The following CD226 variants were observed in gnomAD, a reference collection of about 807,000 sequenced individuals.
CD226 encodes the protein CD226 molecule.
CD226 carries 24 observed loss-of-function variants against 34.9 expected under a neutral mutation model. The ratio of observed to expected loss-of-function variants is 0.69; its 90% confidence interval spans 0.50 to 0.97. The LOEUF is 0.97. CD226 is among the 50% of genes least tolerant of loss of function. The pLI is 0.00. For missense variants in CD226, 397 were observed against 412.7 expected (o/e 0.96, Z 0.33); for synonymous variants, 148 against 147.4 (o/e 1.00, Z -0.03).
At chr18:69,951,115 C>T (rs2055850561), upstream of CD226, among the ~76,000 whole-genome samples, 1 of 151,996 alleles carries the variant, frequency 6.6e-6, no homozygotes, top group Admixed American at 6.6e-5. Context: ...CCAGCTGAGC[C>T]ACCACACTCA....
chr18:69,951,818 T>C (rs1433867988), upstream of CD226, among the ~76,000 whole-genome samples: 1 of 152,192 alleles, frequency 6.6e-6, no homozygotes, highest in East Asian at 1.9e-4. Flanking sequence ...ATTTATACAC[T>C]GTTCATGGGA....
At chr18:69,872,881 T>C (rs1443666632) in intron 4 of CD226, among the ~76,000 whole-genome samples, 1 of 152,120 alleles carries the variant, frequency 6.6e-6, no homozygotes, top group Non-Finnish European at 1.5e-5. Flanking sequence ...GCTTTTTCCT[T>C]GGAGGAGGAA....
intron 1 of CD226, among the ~76,000 whole-genome samples, chr18:69,955,532 C>G (rs1399585829): frequency 6.6e-6 from 1 of 152,122 alleles, no homozygotes; most frequent in Non-Finnish European, 1.5e-5. Flanking sequence ...CTGCCTTCTG[C>G]TGGGATGCCC....
rs369103233 is a variant in CD226, at chr18:69,874,940, A to G, written c.728-1694T>C. On this transcript the variant is annotated intron_variant, in intron 3 of 5. Coordinates refer to ENST00000582621, the MANE Select transcript of CD226 (RefSeq NM_001303618.2). ...TTTTTTAAAGGGTTAATAGTACTACATTGTGTCTATGTACCACATTTTCTT... is the reference window on the plus strand; with the variant it reads ...TTTTTTAAAGGGTTAATAGTACTACGTTGTGTCTATGTACCACATTTTCTT... Among the ~76,000 whole-genome samples the G allele has an allele frequency of 5.9e-5, 9 of 152,232 alleles. No individual in the cohort carries two copies. In the South Asian group the frequency reaches 1.7e-3, roughly 28 times the overall value.
rs149352420 is a variant in CD226 at position 69,876,937 on chromosome 18, C to T, written c.728-3691G>A. 9.3e-3 allele frequency among the ~76,000 whole-genome samples: 1,337 copies of T among 144,038 alleles called. 9 individuals are homozygous for T. The highest frequency in any genetic ancestry group is 0.014 in the Non-Finnish European group (961 of 66,910). 94.5% of individuals were successfully genotyped at this position (144,038 alleles called of 152,430 possible). On this transcript the variant is annotated intron_variant, in intron 3 of 5. Transcript: ENST00000582621. Reference sequence around the variant, plus strand: ...GGAGTACAATGGCAGGATCTCGGCTCGCTGCAATCTCCGCCTCCCAGGTTC... The same window carrying T: ...GGAGTACAATGGCAGGATCTCGGCTTGCTGCAATCTCCGCCTCCCAGGTTC...
At chr18:69,959,071 T>C (rs945354311), upstream of CD226, among the ~76,000 whole-genome samples, 2 of 152,142 alleles carry the variant, frequency 1.3e-5, no homozygotes, top group African/African-American at 4.8e-5. Flanking sequence ...CCCAGTATCT[T>C]GGCCCCAAGG....
At chr18:69,892,429 C>T (rs1353265093) in intron 3 of CD226, among the ~76,000 whole-genome samples, 1 of 152,102 alleles carries the variant, frequency 6.6e-6, no homozygotes. Flanking sequence ...ACAGACATTC[C>T]CCTGTGCTCC....
At chr18:69,879,536 A>G (rs1304243795) in intron 3 of CD226, among the ~76,000 whole-genome samples, 1 of 131,090 alleles carries the variant, frequency 7.6e-6, no homozygotes, top group Non-Finnish European at 1.7e-5. Context: ...CTTTAAGGTT[A>G]TCTCCCTTGT....
At chr18:69,889,246 T>C (rs992487510) in intron 3 of CD226, among the ~76,000 whole-genome samples, 9 of 152,190 alleles carry the variant, frequency 5.9e-5, no homozygotes, top group African/African-American at 1.9e-4. Flanking sequence ...TTGTGAGCAG[T>C]GACACGGTGC....
chr18:69,959,532 T>C (rs1378231746), upstream of CD226, among the ~76,000 whole-genome samples: 2 of 152,126 alleles, frequency 1.3e-5, no homozygotes, highest in African/African-American at 4.8e-5. Flanking sequence ...TAACAAAGGG[T>C]AAGGAAAGAA....
chr18:69,939,403 C>T (rs1443035218), intron 2 of CD226, among the ~76,000 whole-genome samples: 2 of 152,176 alleles, frequency 1.3e-5, no homozygotes, highest in Non-Finnish European at 2.9e-5. Context: ...ACACAAAGTT[C>T]ATGAGCTTCA....
At chr18:69,875,592 T>G (rs1404363141) in intron 3 of CD226, among the ~76,000 whole-genome samples, 1 of 152,222 alleles carries the variant, frequency 6.6e-6, no homozygotes, top group Non-Finnish European at 1.5e-5. Context: ...CTAATAGGTG[T>G]GAGGTGAGAG....
intron 2 of CD226, among the ~76,000 whole-genome samples, chr18:69,908,475 G>A (rs2145279727): frequency 6.6e-6 from 1 of 152,278 alleles, no homozygotes; most frequent in Non-Finnish European, 1.5e-5. Context: ...CTGCACAACA[G>A]CAAGAATGAC....
At chr18:69,877,931 GCTTCTC>G (rs1983978374) in intron 3 of CD226, among the ~76,000 whole-genome samples, 1 of 152,142 alleles carries the variant, frequency 6.6e-6, no homozygotes. Flanking sequence ...AGCTGACATG[GCTTCTC>G]AGTCCATTCC....
chr18:69,909,080 T>G (rs1186540760), intron 2 of CD226, among the ~76,000 whole-genome samples: 1 of 152,238 alleles, frequency 6.6e-6, no homozygotes, highest in Non-Finnish European at 1.5e-5. Context: ...TACCTCTACC[T>G]TCTATTGTGT....
chr18:69,887,684 ACT>A (rs952012990), intron 3 of CD226, among the ~76,000 whole-genome samples: 2 of 151,878 alleles, frequency 1.3e-5, no homozygotes, highest in African/African-American at 4.8e-5. Context: ...CTTGTGAAAG[ACT>A]CTCTCCCTGT....
intron 2 of CD226, among the ~76,000 whole-genome samples, chr18:69,916,763 A>G (rs573308547): frequency 2.0e-5 from 3 of 152,230 alleles, no homozygotes; most frequent in East Asian, 3.8e-4. Context: ...CTTATACTCA[A>G]TATGAGCACC....
intron 2 of CD226, among the ~76,000 whole-genome samples, chr18:69,934,060 A>T (rs1447129970): frequency 2.0e-5 from 3 of 152,166 alleles, no homozygotes; most frequent in African/African-American, 7.2e-5. Context: ...TTTACAAAGG[A>T]TCTCTTTTGG....
At chr18:69,920,162 C>G (rs936680222) in intron 2 of CD226, among the ~76,000 whole-genome samples, 5 of 152,104 alleles carry the variant, frequency 3.3e-5, no homozygotes, top group Non-Finnish European at 2.9e-5. Context: ...CCATGCCTAG[C>G]CTTGTTGTCA....
Sources: allele counts gnomAD v4.1 joint callset (sites outside exome capture counted in the v4.1 genomes callset), GRCh38; gene constraint gnomAD v4.1.1; transcripts MANE v1.5; gene names NCBI Gene and HGNC (gene_info 2026-07-23, HGNC 2026-07-21).